ZNF469: variants seen among roughly 807,000 people sequenced by gnomAD.
ZNF469 encodes the protein zinc finger protein 469.
A neutral mutation model predicts 1.0 loss-of-function variants in ZNF469; 1 was observed. The observed-to-expected ratio is 1.00, with a 90% CI of 0.35 to 4.73. The LOEUF is 4.73. Among genes scored for constraint, ZNF469 ranks in the 30% most tolerant of loss-of-function variants. The pLI, the probability that ZNF469 is intolerant of heterozygous loss-of-function variation, is 0.16. For synonymous variants in ZNF469, 2,703 were observed against 2,363.4 expected (o/e 1.14, Z -4.17); for missense variants, 6,100 against 5,356.3 (o/e 1.14, Z -4.33).
At chr16:88,372,943 TACCATCATC>T in the ZNF469 span, among the ~76,000 whole-genome samples, 74 of 150,398 alleles carry the variant, frequency 4.9e-4, no homozygotes, top group African/African-American at 1.4e-3. Context: ...TCACCATCTT[TACCATCATC>T]ACCATCATCA....
the ZNF469 span, among the ~76,000 whole-genome samples, chr16:88,147,658 C>A: frequency 5.3e-5 from 8 of 152,018 alleles, no homozygotes; most frequent in African/African-American, 1.9e-4. Flanking sequence ...GACGCTGTGC[C>A]CCCTGCCAGC....
the ZNF469 span, among the ~76,000 whole-genome samples, chr16:88,169,886 C>T: frequency 6.6e-6 from 1 of 152,216 alleles, no homozygotes; most frequent in Non-Finnish European, 1.5e-5. This position sits in a 1 kb window ranked among gnomAD's most constrained non-coding sequence, Gnocchi z 6.1. Context: ...CTGGGGTCGG[C>T]CCTGCCAGTG....
the ZNF469 span, among the ~76,000 whole-genome samples, chr16:88,270,222 A>G: frequency 6.6e-6 from 1 of 151,408 alleles, no homozygotes; most frequent in Non-Finnish European, 1.5e-5. Context: ...CCTGCTCCCC[A>G]CCCTGGGCCC....
At chr16:88,233,630 A>G in the ZNF469 span, among the ~76,000 whole-genome samples, 30 of 152,234 alleles carry the variant, frequency 2.0e-4, no homozygotes, top group Admixed American at 2.0e-3. Flanking sequence ...CCGCCTGGGC[A>G]TGAAACAGGA....
At chr16:88,315,670 T>C in the ZNF469 span, among the ~76,000 whole-genome samples, 3 of 152,264 alleles carry the variant, frequency 2.0e-5, no homozygotes, top group African/African-American at 4.8e-5. Flanking sequence ...TGCGTCTGCC[T>C]GTGCAGAAGG....
chr16:88,347,681 C>T, the ZNF469 span, among the ~76,000 whole-genome samples: 1 of 152,236 alleles, frequency 6.6e-6, no homozygotes, highest in Non-Finnish European at 1.5e-5. Flanking sequence ...GGGCCAGTCT[C>T]CTCCAATCAC....
In ZNF469 at chr16:88,434,386, C is replaced by T; in HGVS notation, c.6916C>T (p.Pro2306Ser). Residue 2306 changes from proline (P) to serine (S), a missense_variant, in exon 3 of 3, where the codon CCA (proline) becomes TCA (serine). Pro to Ser is a moderately conservative substitution (Grantham distance 74, BLOSUM62 -1). Transcript: ENST00000565624. ...EAQAGRGLPG[P>S]DPQSRGAPPH... Reference sequence around the variant, plus strand: ...ACAGGCAGGCAGGGGACTCCCAGGGCCAGACCCCCAGAGCAGGGGAGCCCC... The same window carrying T: ...ACAGGCAGGCAGGGGACTCCCAGGGTCAGACCCCCAGAGCAGGGGAGCCCC... 1.3e-6 allele frequency: 2 copies of T among 1,549,900 alleles called. No homozygotes were observed. The highest frequency in any genetic ancestry group is 1.7e-6 in the Non-Finnish European group (2 of 1,146,932).
At chr16:88,390,514 C>G (rs1041463403) in intron 1 of ZNF469, among the ~76,000 whole-genome samples, 1 of 152,240 alleles carries the variant, frequency 6.6e-6, no homozygotes, top group African/African-American at 2.4e-5. Flanking sequence ...TGACCCAAGT[C>G]TCACTTGGAC....
chr16:88,337,924 T>G, the ZNF469 span, among the ~76,000 whole-genome samples: 1 of 152,238 alleles, frequency 6.6e-6, no homozygotes, highest in Admixed American at 6.5e-5. Context: ...AATTTTCTCC[T>G]GCTTTGTGAC....
the ZNF469 span, chr16:88,294,829 A>G: frequency 6.6e-6 from 1 of 152,478 alleles, no homozygotes; most frequent in Non-Finnish European, 1.5e-5. Context: ...GAAGACCGGG[A>G]TGAGTTTTTA....
the ZNF469 span, among the ~76,000 whole-genome samples, chr16:88,101,933 G>A: frequency 1.3e-5 from 2 of 152,138 alleles, no homozygotes; most frequent in African/African-American, 2.4e-5. Flanking sequence ...TCTTGGCTCC[G>A]TCAGGATCCT....
Position 88,439,071 on chromosome 16 carries a change from G to A in ZNF469, c.11601G>A (p.Gln3867=). ...VLPTKPKPNS[Q]NKPRPPPSEQ... ...CGACCAAGCCCAAGCCCAACAGCCA[G>A]AACAAACCCAGGCCGCCACCATCAG... The change falls in exon 3 of 3, where the codon CAG becomes CAA. Residue 3867 remains glutamine, a synonymous_variant. Transcript: ENST00000565624. 7.7e-6 allele frequency: 12 copies of A among 1,550,704 alleles called. No homozygotes were observed. Among genetic ancestry groups the A allele is most frequent in the Non-Finnish European group, 1.0e-5 (12 of 1,146,950 alleles).
chr16:88,201,106 C>G, the ZNF469 span, among the ~76,000 whole-genome samples: 1 of 152,262 alleles, frequency 6.6e-6, no homozygotes, highest in African/African-American at 2.4e-5. This position sits in a 1 kb window ranked among gnomAD's most constrained non-coding sequence, Gnocchi z 5.0. Context: ...CTGTCCTTGT[C>G]ACCACTGAGC....
the ZNF469 span, among the ~76,000 whole-genome samples, chr16:88,215,955 T>A: frequency 6.6e-6 from 1 of 152,358 alleles, no homozygotes; most frequent in East Asian, 1.9e-4. Flanking sequence ...TTCCTTCATA[T>A]TTGTCCACAG....
At chr16:88,288,550 A>G in the ZNF469 span, among the ~76,000 whole-genome samples, 1 of 152,222 alleles carries the variant, frequency 6.6e-6, no homozygotes, top group Admixed American at 6.5e-5. Context: ...TCATTAATTC[A>G]GCATTCACTT....
the ZNF469 span, among the ~76,000 whole-genome samples, chr16:88,168,641 GT>G: frequency 2.0e-5 from 3 of 152,142 alleles, no homozygotes; most frequent in African/African-American, 7.2e-5. This position sits in a 1 kb window ranked among gnomAD's most constrained non-coding sequence, Gnocchi z 4.3. Context: ...AGAACAGTTT[GT>G]TTATCTGTCC....
At chr16:88,372,041 T>C in the ZNF469 span, among the ~76,000 whole-genome samples, 1 of 110,768 alleles carries the variant, frequency 9.0e-6, no homozygotes, top group African/African-American at 3.5e-5. Flanking sequence ...ATCACTACCA[T>C]TACCATCACC....
At chr16:88,286,383 C>T in the ZNF469 span, among the ~76,000 whole-genome samples, 1 of 152,264 alleles carries the variant, frequency 6.6e-6, no homozygotes, top group African/African-American at 2.4e-5. Context: ...GGCCTTTCTG[C>T]ACCTGCCTGT....
the ZNF469 span, among the ~76,000 whole-genome samples, chr16:88,251,536 GTCT>G: frequency 1.3e-5 from 1 of 78,788 alleles, no homozygotes; most frequent in Admixed American, 1.6e-4. Context: ...TGTCCCTGCT[GTCT>G]TTTTTTTTTT....
Sources: allele counts gnomAD v4.1 joint callset (sites outside exome capture counted in the v4.1 genomes callset), GRCh38; gene constraint gnomAD v4.1.1; non-coding constraint Gnocchi (gnomAD v3.1); transcripts MANE v1.5; gene names NCBI Gene and HGNC (gene_info 2026-07-23, HGNC 2026-07-21).